CDH3: variants seen among roughly 807,000 people sequenced by gnomAD.
The protein encoded by CDH3 is cadherin 3, also known as cadherin-3.
In CDH3, 54 loss-of-function variants were observed where a neutral mutation model predicts 82.0. That is an observed-to-expected ratio of 0.66 (90% CI 0.53 to 0.83). The LOEUF is 0.83. CDH3 is among the 40% of genes least tolerant of loss of function. The probability of loss-of-function intolerance (pLI) is 0.00; values close to 1 mark genes in which losing one functional copy is unlikely to be tolerated. For missense variants in CDH3, 1,054 were observed against 1,084.6 expected (o/e 0.97, Z 0.40); for synonymous variants, 446 against 437.9 (o/e 1.02, Z -0.23).
At chr16:68,674,499 A>C (rs1960977007) in intron 2 of CDH3, among the ~76,000 whole-genome samples, 1 of 152,048 alleles carries the variant, frequency 6.6e-6, no homozygotes, top group Non-Finnish European at 1.5e-5. Flanking sequence ...TTGGGAAGCC[A>C]AGGCAAGAGA....
chr16:68,678,416 G>C, intron 4 of CDH3, 85 bp from the exon 5 acceptor site: 1 of 1,581,008 alleles, frequency 6.3e-7, no homozygotes, highest in Admixed American at 1.7e-5. Context: ...TTCTCCTATG[G>C]CAGTGCCCCT....
intron 1 of CDH3, among the ~76,000 whole-genome samples, chr16:68,711,167 G>A (rs1962025253): frequency 6.6e-6 from 1 of 151,738 alleles, no homozygotes; most frequent in East Asian, 1.9e-4. Context: ...AAAACTAGCC[G>A]GGCATGGTGA....
chr16:68,657,407 G>A (rs1043666063), intron 2 of CDH3, among the ~76,000 whole-genome samples: 1 of 152,106 alleles, frequency 6.6e-6, no homozygotes, highest in African/African-American at 2.4e-5. Context: ...CCAGCTACTC[G>A]GGAGGCTGAG....
At chr16:68,661,313 C>T (rs1311811779) in intron 2 of CDH3, among the ~76,000 whole-genome samples, 1 of 152,188 alleles carries the variant, frequency 6.6e-6, no homozygotes, top group African/African-American at 2.4e-5. Context: ...CCACTTACTA[C>T]TTGTGGAACC....
At chr16:68,726,372 T>C (rs1962219271) in intron 2 of CDH3, among the ~76,000 whole-genome samples, 1 of 152,122 alleles carries the variant, frequency 6.6e-6, no homozygotes, top group African/African-American at 2.4e-5. Context: ...TCCTCTTGCC[T>C]TCCTTCTCTT....
At chr16:68,655,414 ACT>A (rs1960386345) in intron 2 of CDH3, among the ~76,000 whole-genome samples, 1 of 152,224 alleles carries the variant, frequency 6.6e-6, no homozygotes. Context: ...GAGTTCAGGT[ACT>A]GTTTACTGTC....
intron 2 of CDH3, among the ~76,000 whole-genome samples, chr16:68,653,691 C>CTTTTT (rs1249416453): frequency 7.3e-6 from 1 of 136,956 alleles, no homozygotes; most frequent in Non-Finnish European, 1.6e-5. Flanking sequence ...TCTTTTCTTT[C>CTTTTT]TTTTTTTTTT....
At chr16:68,657,182 T>G (rs1292675319) in intron 2 of CDH3, among the ~76,000 whole-genome samples, 1 of 152,136 alleles carries the variant, frequency 6.6e-6, no homozygotes, top group Admixed American at 6.6e-5. Context: ...GGGGACCTGC[T>G]GCTTGGGCAG....
chr16:68,702,901 CA>C (rs554824792), downstream of CDH3, among the ~76,000 whole-genome samples: 83 of 152,148 alleles, frequency 5.5e-4, 1 homozygote, highest in South Asian at 0.012. Flanking sequence ...AAGAAGGGGT[CA>C]GGGGTACCCA....
intron 2 of CDH3, among the ~76,000 whole-genome samples, chr16:68,724,568 A>G (rs1962199058): frequency 6.6e-6 from 1 of 152,008 alleles, no homozygotes; most frequent in Non-Finnish European, 1.5e-5. Context: ...TCAAGGTTGC[A>G]GTGAGCTATG....
chr16:68,667,991 C>A (rs1960783419), intron 2 of CDH3, among the ~76,000 whole-genome samples: 1 of 152,048 alleles, frequency 6.6e-6, no homozygotes, highest in Non-Finnish European at 1.5e-5. Context: ...TTTTTCCCTT[C>A]CCCGACAGTA....
intron 2 of CDH3, among the ~76,000 whole-genome samples, chr16:68,659,058 A>G (rs1241893139): frequency 6.6e-6 from 1 of 152,198 alleles, no homozygotes; most frequent in Non-Finnish European, 1.5e-5. Context: ...AGTTCTTAGT[A>G]CTTTATATGC....
chr16:68,677,962 A>G (rs1452923015), intron 3 of CDH3, among the ~76,000 whole-genome samples, 172 bp from the exon 4 acceptor site: 3 of 150,514 alleles, frequency 2.0e-5, no homozygotes, highest in African/African-American at 4.9e-5. Context: ...GGGTCTCGCT[A>G]TCTTGCCCAG....
chr16:68,731,396 ATAT>A (rs1435088153), downstream of CDH3, among the ~76,000 whole-genome samples: 2 of 14,602 alleles, frequency 1.4e-4, 1 homozygote, highest in African/African-American at 8.0e-4. Context: ...AAAAAAAAAA[ATAT>A]ATATATATAT....
intron 9 of CDH3, among the ~76,000 whole-genome samples, 166 bp downstream of exon 9, chr16:68,682,653 A>G (rs1300191933): frequency 6.6e-6 from 1 of 152,142 alleles, no homozygotes; most frequent in Admixed American, 6.5e-5. Flanking sequence ...CCTTTGTTCA[A>G]ACTAAATCTT....
chr16:68,687,670 T>G lies in CDH3; in HGVS notation c.1729T>G (p.Ser577Ala). The change falls in exon 12 of 16, where the codon TCC (serine) becomes GCC (alanine). Residue 577 changes from serine (S) to alanine (A), a missense_variant. Ser to Ala is a moderately conservative substitution (Grantham distance 99, BLOSUM62 1). Coordinates refer to ENST00000264012, the MANE Select transcript of CDH3 (RefSeq NM_001793.6). The stretch of plus-strand genomic sequence containing the variant: ...GGACAAGGACCTGTCTCCCCACACC[T>G]CCCCTTTCCAGGCCCAGCTCACAGA... ...ITDKDLSPHTSPFQAQLTDDS... is the reference protein window; with the variant it reads ...ITDKDLSPHTAPFQAQLTDDS... 6.2e-7 allele frequency: 1 copy of G among 1,613,776 alleles called. No individual in the cohort carries two copies. The highest frequency in any genetic ancestry group is 8.5e-7 in the Non-Finnish European group (1 of 1,179,910).
chr16:68,727,918 C>G (rs1305442519), downstream of CDH3, among the ~76,000 whole-genome samples: 1 of 151,856 alleles, frequency 6.6e-6, no homozygotes, highest in Non-Finnish European at 1.5e-5. Flanking sequence ...CCAAAAACAA[C>G]AACAACAAAA....
At position 68,700,002 on chromosome 16, in the gene CDH3, C is replaced by G. The variant is rs1160825332; in HGVS notation, c.*1602C>G. ...CACAATCACCCTCTGAGGGGACTTT[C>G]TCCTTTAAAGAATGGCCACATTGTA... On this transcript the variant is annotated 3_prime_UTR_variant, in exon 16 of 16. Transcript: ENST00000264012. 1 of 152,190 alleles carries G rather than the reference C, an allele frequency of 6.6e-6. No individual in the cohort carries two copies. The highest frequency in any genetic ancestry group is 1.5e-5 in the Non-Finnish European group (1 of 68,038). The allele number at this position is 152,190 out of a possible 1,614,324, so 9.4% of individuals were successfully genotyped here.
rs541433512 is a variant in CDH3, at chr16:68,659,398, G to A, written c.160+13648G>A. Among the ~76,000 whole-genome samples, 128 of 151,942 alleles carry A rather than the reference G, an allele frequency of 8.4e-4. No homozygotes were observed. In the Middle Eastern group the frequency reaches 0.02, roughly 24 times the overall value. ...AGCCTGGGCAACATGGTGAGACCCC[G>A]GTTTCTACAAAAAATACAAAAATTA... On this transcript the variant is annotated intron_variant, in intron 2 of 15. Transcript: ENST00000264012.
Sources: allele counts gnomAD v4.1 joint callset (sites outside exome capture counted in the v4.1 genomes callset), GRCh38; gene constraint gnomAD v4.1.1; transcripts MANE v1.5; gene names NCBI Gene and HGNC (gene_info 2026-07-23, HGNC 2026-07-21).